Variants in IQCH observed in about 807,000 individuals in gnomAD.
IQCH encodes IQ motif containing H, also known as IQ domain-containing protein H.
In IQCH, 98 loss-of-function variants were observed where a neutral mutation model predicts 117.0. That is an observed-to-expected ratio of 0.84 (90% CI 0.71 to 0.99). The LOEUF (loss-of-function observed/expected upper bound fraction) is 0.99, where lower values mean the gene tolerates loss of function less well. Among genes scored for constraint, IQCH ranks in the 50% least tolerant of loss-of-function variants. The probability of loss-of-function intolerance (pLI) is 0.00; values close to 1 mark genes in which losing one functional copy is unlikely to be tolerated. For missense variants in IQCH, 1,102 were observed against 1,243.8 expected (o/e 0.89, Z 1.72); for synonymous variants, 412 against 448.2 (o/e 0.92, Z 1.02).
intron 3 of IQCH, among the ~76,000 whole-genome samples, chr15:67,278,283 C>T (rs1190372928): frequency 6.6e-6 from 1 of 152,220 alleles, no homozygotes; most frequent in African/African-American, 2.4e-5. Context: ...GAAGCAGAAG[C>T]GGATTCTCTG....
chr15:67,500,907 T>C lies in IQCH; in HGVS notation c.*161T>C, dbSNP rs1231964241. 2.4e-6 allele frequency: 1 copy of C among 416,510 alleles called. No homozygotes were observed. Among genetic ancestry groups the C allele is most frequent in the African/African-American group, 2.1e-5 (1 of 48,644 alleles). The allele number at this position is 416,510 out of a possible 1,614,324, so 25.8% of individuals were successfully genotyped here. Reference sequence around the variant, plus strand: ...GAAATGCTCTTTTTAAAACATTGTTTATTAAGTGATCTTATTTTATTTATT... The same window carrying C: ...GAAATGCTCTTTTTAAAACATTGTTCATTAAGTGATCTTATTTTATTTATT... On this transcript the variant is annotated 3_prime_UTR_variant, in exon 21 of 21. Transcript: ENST00000335894. The surrounding 1 kb of genome is among the most constrained non-coding windows in gnomAD (Gnocchi z 4.4).
rs1012247659 is a variant in IQCH, at chr15:67,445,687, G to A, written c.2506-19440G>A. On this transcript the variant is annotated intron_variant, in intron 16 of 20. Transcript: ENST00000335894. The surrounding 1 kb of genome is among the most constrained non-coding windows in gnomAD (Gnocchi z 4.3). ...CTCCTGACCTGGTGATCCATCTGCC[G>A]TGGCCTCCCAAAGTGCTGGGATAAC... Among the ~76,000 whole-genome samples the A allele has an allele frequency of 7.9e-5, 12 of 152,104 alleles. No homozygotes were observed. Among genetic ancestry groups the A allele is most frequent in the African/African-American group, 2.7e-4 (11 of 41,424 alleles).
chr15:67,359,797 TG>T lies in IQCH; in HGVS notation c.715-49del, dbSNP rs768600992. On this transcript the variant is annotated intron_variant, in intron 7 of 20. Coordinates refer to ENST00000335894, the MANE Select transcript of IQCH (RefSeq NM_001031715.3). The surrounding 1 kb of genome is among the most constrained non-coding windows in gnomAD (Gnocchi z 4.5). ...GAGCCTTCTATTTGTTTTGTAAAAT[TG>T]CCCATGAGAGTCGTTTTGATTTAAA... 2.0e-6 allele frequency: 3 copies of T among 1,505,612 alleles called. No individual in the cohort carries two copies. The allele number at this position is 1,505,612 out of a possible 1,614,324, so 93.3% of individuals were successfully genotyped here. A position where few individuals can be genotyped will look rare whatever the true frequency, so the allele number is the denominator to read the frequency against.
chr15:67,255,032 A>G (rs1182827591), intron 1 of IQCH, 85 bp downstream of exon 1: 1 of 1,356,524 alleles, frequency 7.4e-7, no homozygotes, highest in Non-Finnish European at 1.0e-6. Context: ...ACCGACGCTC[A>G]CCCATTTGGT....
In IQCH at chr15:67,388,788, T is replaced by G; in HGVS notation, c.1457-43T>G. ...CGGATGCCAGAGTTCATAATGTCAT[T>G]TACCTTCACACCAGTAATTAACATT... On this transcript the variant is annotated intron_variant, in intron 11 of 20. Coordinates refer to ENST00000335894, the MANE Select transcript of IQCH (RefSeq NM_001031715.3). This position sits in a 1 kb window ranked among gnomAD's most constrained non-coding sequence, Gnocchi z 5.5. 1 of 1,527,062 alleles carries G rather than the reference T, an allele frequency of 6.5e-7. No homozygotes were observed. Among genetic ancestry groups the G allele is most frequent in the Non-Finnish European group, 9.1e-7 (1 of 1,104,488 alleles). 94.6% of individuals were successfully genotyped at this position (1,527,062 alleles called of 1,614,324 possible).
chr15:67,417,043 T>A lies in IQCH; in HGVS notation c.2210T>A (p.Leu737His). 5 of 1,607,844 alleles carry A rather than the reference T, an allele frequency of 3.1e-6. No homozygotes were observed. Among genetic ancestry groups the A allele is most frequent in the Non-Finnish European group, 4.2e-6 (5 of 1,177,278 alleles). The change falls in exon 15 of 21, where the codon CTC (leucine) becomes CAC (histidine). Residue 737 changes from leucine (L) to histidine (H), a missense_variant. Physicochemically the swap from Leu to His is moderately conservative, Grantham distance 99. Coordinates refer to ENST00000335894, the MANE Select transcript of IQCH (RefSeq NM_001031715.3). The surrounding 1 kb of genome is among the most constrained non-coding windows in gnomAD (Gnocchi z 4.3). ...TGGAGGAAATTCCTCCAAACATTTC[T>A]CAGTCAAGGTAAATAAGACTGTAAA... ...PTWRKFLQTF[L>H]SQGGVIEAFP...
rs1971107503 is a variant in IQCH at position 67,386,358 on chromosome 15, T to C, written c.1456+1339T>C. ...CTCAATAATTCAGTCTGTCTCTACC[T>C]GCAATGGAATATTTTGCTTATATGA... On this transcript the variant is annotated intron_variant, in intron 11 of 20. Coordinates refer to ENST00000335894, the MANE Select transcript of IQCH (RefSeq NM_001031715.3). This position sits in a 1 kb window ranked among gnomAD's most constrained non-coding sequence, Gnocchi z 5.0. Among the ~76,000 whole-genome samples, 1 of 152,174 alleles carries C rather than the reference T, an allele frequency of 6.6e-6. No individual in the cohort carries two copies. Among genetic ancestry groups the C allele is most frequent in the Non-Finnish European group, 1.5e-5 (1 of 68,024 alleles).
intron 4 of IQCH, among the ~76,000 whole-genome samples, chr15:67,291,204 A>G (rs1054685085): frequency 1.3e-5 from 2 of 152,196 alleles, no homozygotes; most frequent in African/African-American, 4.8e-5. Flanking sequence ...AATTTTTGGC[A>G]AAAGCAAAAA....
At chr15:67,484,204 G>A (rs772193689) in intron 18 of IQCH, among the ~76,000 whole-genome samples, 4 of 152,038 alleles carry the variant, frequency 2.6e-5, no homozygotes, top group African/African-American at 4.8e-5. Context: ...CCAGGAGTTC[G>A]AGACCAGCCC....
At chr15:67,414,663 A>T (rs12439895) in intron 14 of IQCH, among the ~76,000 whole-genome samples, 33,258 of 146,248 alleles carry the variant, frequency 0.23, 4,370 homozygotes, top group East Asian at 0.5. Context: ...CCAAAAAAAA[A>T]ATATATATAT....
chr15:67,261,466 C>T, intron 2 of IQCH, 72 bp downstream of exon 2: 1 of 1,293,596 alleles, frequency 7.7e-7, no homozygotes, highest in Non-Finnish European at 1.1e-6. Context: ...AATTGCAGTT[C>T]TCATAGAGTC....
intron 4 of IQCH, among the ~76,000 whole-genome samples, chr15:67,321,486 CTTTTTCTTTCT>C (rs948501492): frequency 2.3e-5 from 3 of 129,750 alleles, no homozygotes; most frequent in Admixed American, 1.7e-4. Flanking sequence ...TTCTTTCTTT[CTTTTTCTTTCT>C]TTTTTCTTTC....
chr15:67,300,301 C>T (rs1004060349), intron 4 of IQCH, among the ~76,000 whole-genome samples: 6 of 152,028 alleles, frequency 3.9e-5, no homozygotes, highest in Admixed American at 2.0e-4. Context: ...TTCACATTGG[C>T]TCCAGAATAG....
chr15:67,293,881 G>A (rs1241294326), intron 4 of IQCH, among the ~76,000 whole-genome samples: 1 of 152,174 alleles, frequency 6.6e-6, no homozygotes, highest in Non-Finnish European at 1.5e-5. Context: ...GAGTGAAGTG[G>A]GAAAAGTAGG....
rs1971909049 is a variant in IQCH, at chr15:67,406,471, A to G, written c.2097+6166A>G. The G allele has an allele frequency of 6.6e-6, 1 of 152,224 alleles. No individual in the cohort carries two copies. The highest frequency in any genetic ancestry group is 2.1e-4 in the South Asian group (1 of 4,832). The allele number at this position is 152,224 out of a possible 1,614,324, so 9.4% of individuals were successfully genotyped here. ...CAGGAGTTTGAGGCTGCAATGAGTC[A>G]TGACTGCACCACCACTCTCCAGCCT... On this transcript the variant is annotated intron_variant, in intron 14 of 20. Transcript: ENST00000335894. The surrounding 1 kb of genome is among the most constrained non-coding windows in gnomAD (Gnocchi z 4.5).
At chr15:67,325,858 G>C (rs1309409648) in intron 4 of IQCH, among the ~76,000 whole-genome samples, 4 of 152,010 alleles carry the variant, frequency 2.6e-5, no homozygotes, top group African/African-American at 9.7e-5. Flanking sequence ...ATGTGCCATA[G>C]ACTTTTATCA....
At chr15:67,357,025 A>G (rs1181403950) in intron 6 of IQCH, among the ~76,000 whole-genome samples, 1 of 152,222 alleles carries the variant, frequency 6.6e-6, no homozygotes, top group Non-Finnish European at 1.5e-5. Flanking sequence ...CTAACAAAGC[A>G]TTTTATAAGA....
Position 67,501,013 on chromosome 15 carries a change from A to G in IQCH, c.*267A>G. On this transcript the variant is annotated 3_prime_UTR_variant, in exon 21 of 21. Coordinates refer to ENST00000335894, the MANE Select transcript of IQCH (RefSeq NM_001031715.3). This position sits in a 1 kb window ranked among gnomAD's most constrained non-coding sequence, Gnocchi z 5.2. ...CTCAAACTCAGAAAAAAGTAATCTG[A>G]TAAAAGAAGAAAGTTAAAAGTCTTA... The G allele has an allele frequency of 4.5e-6, 1 of 220,234 alleles. No homozygotes were observed. The highest frequency in any genetic ancestry group is 9.6e-5 in the East Asian group (1 of 10,386). 13.6% of individuals were successfully genotyped at this position (220,234 alleles called of 1,614,324 possible). A position where few individuals can be genotyped will look rare whatever the true frequency, so the allele number is the denominator to read the frequency against.
intron 10 of IQCH, 164 bp downstream of exon 10, chr15:67,373,597 C>T (rs750617282): frequency 2.9e-5 from 20 of 680,016 alleles, no homozygotes; most frequent in African/African-American, 5.4e-5. Flanking sequence ...TCGCTTGAAA[C>T]GGCGTTTAAT....
Sources: gnomAD v4.1 joint callset for allele counts (sites outside exome capture counted in the v4.1 genomes callset) on GRCh38, gnomAD v4.1.1 for gene constraint, Gnocchi (gnomAD v3.1) non-coding constraint, MANE v1.5 for transcripts, NCBI Gene and HGNC (gene_info 2026-07-23, HGNC 2026-07-21) for gene names.